PPP2R5E: variants seen among roughly 807,000 people sequenced by gnomAD.
The protein encoded by PPP2R5E is serine/threonine-protein phosphatase 2A 56 kDa regulatory subunit epsilon isoform.
In PPP2R5E, 4 loss-of-function variants were observed where a neutral mutation model predicts 65.3. The ratio of observed to expected loss-of-function variants is 0.06; its 90% CI spans 0.03 to 0.14. The LOEUF (loss-of-function observed/expected upper bound fraction) is 0.14. Among genes scored for constraint, PPP2R5E ranks in the 10% least tolerant of loss-of-function variants. PPP2R5E has a pLI of 1.00. For missense variants in PPP2R5E, 274 were observed against 556.1 expected, an observed-to-expected ratio of 0.49 and a Z score of 5.10; for synonymous variants, 183 against 187.4, an observed-to-expected ratio of 0.98 and a Z score of 0.19.
intron 1 of PPP2R5E, among the ~76,000 whole-genome samples, chr14:63,541,450 G>A (rs1040856788): frequency 1.3e-5 from 2 of 152,106 alleles, no homozygotes; most frequent in Non-Finnish European, 2.9e-5. Flanking sequence ...TAACCCTCTC[G>A]AGTTATTAAA....
chr14:63,474,751 GA>G (rs1890322159), intron 2 of PPP2R5E, among the ~76,000 whole-genome samples: 1 of 137,574 alleles, frequency 7.3e-6, no homozygotes, highest in African/African-American at 2.7e-5. Flanking sequence ...AAAAAAGGAA[GA>G]AAAGAAATGT....
chr14:63,541,489 C>T (rs558670677), intron 1 of PPP2R5E, among the ~76,000 whole-genome samples: 5 of 152,148 alleles, frequency 3.3e-5, no homozygotes, highest in Non-Finnish European at 7.3e-5. Context: ...AAGTAACAAG[C>T]GTTAAGCTTA....
chr14:63,406,410 CAAAAAAAAA>C (rs569875121), intron 5 of PPP2R5E, among the ~76,000 whole-genome samples: 4 of 83,316 alleles, frequency 4.8e-5, no homozygotes, highest in African/African-American at 1.6e-4. Context: ...GACTTCATCT[CAAAAAAAAA>C]AAAAAAAGAA....
At chr14:63,536,690 T>C (rs894229005) in intron 2 of PPP2R5E, among the ~76,000 whole-genome samples, 1 of 152,152 alleles carries the variant, frequency 6.6e-6, no homozygotes, top group Non-Finnish European at 1.5e-5. Context: ...TATTCAGCCT[T>C]AAAAAAGAAT....
At chr14:63,472,576 T>C (rs1443221767) in intron 2 of PPP2R5E, among the ~76,000 whole-genome samples, 1 of 152,202 alleles carries the variant, frequency 6.6e-6, no homozygotes, top group African/African-American at 2.4e-5. Context: ...CAGCACAGCC[T>C]AAGGTCAATT....
At chr14:63,535,653 TGTATAATTATC>T (rs1486859474) in intron 2 of PPP2R5E, among the ~76,000 whole-genome samples, 1 of 152,196 alleles carries the variant, frequency 6.6e-6, no homozygotes, top group Non-Finnish European at 1.5e-5. Flanking sequence ...AATCACTGTT[TGTATAATTATC>T]GTATTCAAAC....
chr14:63,533,485 C>T lies in PPP2R5E; in HGVS notation c.157+6044G>A, dbSNP rs191720479. Among the ~76,000 whole-genome samples the T allele has an allele frequency of 7.9e-4, 120 of 152,214 alleles. 2 individuals carry two copies. In the East Asian group the frequency reaches 0.012, roughly 15 times the overall value. On this transcript the variant is annotated intron_variant, in intron 2 of 13. Coordinates refer to ENST00000337537, the MANE Select transcript of PPP2R5E (RefSeq NM_006246.5). Reference sequence around the variant, plus strand: ...CTGAGGCAGGAAAATGGCTTGAACCCGGAAGGCAGAGGCTGTGGTGAGCCG... The same window carrying T: ...CTGAGGCAGGAAAATGGCTTGAACCTGGAAGGCAGAGGCTGTGGTGAGCCG...
At chr14:63,412,153 A>C (rs1466741353) in intron 5 of PPP2R5E, among the ~76,000 whole-genome samples, 3 of 152,216 alleles carry the variant, frequency 2.0e-5, no homozygotes, top group Admixed American at 6.5e-5. Context: ...TAAAAAAGCC[A>C]ACTGTGTAAC....
At chr14:63,379,826 C>CTCTCTCTTTTTTTTTTTTTTTT (rs528081976) in intron 13 of PPP2R5E, among the ~76,000 whole-genome samples, 1 of 100,280 alleles carries the variant, frequency 1.0e-5, no homozygotes, top group Admixed American at 1.0e-4. Flanking sequence ...TATTCTCTCT[C>CTCTCTCTTTTTTTTTTTTTTTT]TTTTTTTTTT....
chr14:63,472,631 G>C (rs72714269), intron 2 of PPP2R5E, among the ~76,000 whole-genome samples: 3,152 of 152,352 alleles, frequency 0.021, 38 homozygotes, highest in Non-Finnish European at 0.033. Flanking sequence ...TGATGGGACA[G>C]AAAGGAAGCA....
chr14:63,376,208 G>T (rs1883974066), intron 13 of PPP2R5E, 100 bp from the exon 14 acceptor site: 3 of 747,308 alleles, frequency 4.0e-6, no homozygotes, highest in African/African-American at 3.6e-5. Context: ...TTTATACTTA[G>T]CTTAATTGAG....
At chr14:63,517,596 T>C (rs1434543032) in intron 2 of PPP2R5E, among the ~76,000 whole-genome samples, 2 of 152,200 alleles carry the variant, frequency 1.3e-5, no homozygotes, top group Non-Finnish European at 2.9e-5. Flanking sequence ...CAAGCACTGG[T>C]ACTGAAAAGC....
intron 2 of PPP2R5E, among the ~76,000 whole-genome samples, chr14:63,496,874 T>C (rs1260006580): frequency 6.7e-6 from 1 of 149,736 alleles, no homozygotes; most frequent in Non-Finnish European, 1.5e-5. Context: ...CTATTTTATC[T>C]GGGTACACAG....
At chr14:63,447,919 T>C (rs1437937735) in intron 3 of PPP2R5E, among the ~76,000 whole-genome samples, 3 of 152,192 alleles carry the variant, frequency 2.0e-5, no homozygotes, top group African/African-American at 7.2e-5. Context: ...GAACAACCGC[T>C]CAGCAGAGCA....
At chr14:63,465,188 G>C (rs182458113) in intron 2 of PPP2R5E, among the ~76,000 whole-genome samples, 24 of 152,084 alleles carry the variant, frequency 1.6e-4, no homozygotes, top group Non-Finnish European at 3.1e-4. Flanking sequence ...ATACTGTATG[G>C]AATCAATTTC....
chr14:63,399,855 C>A (rs1361413433), intron 5 of PPP2R5E, among the ~76,000 whole-genome samples: 1 of 152,104 alleles, frequency 6.6e-6, no homozygotes, highest in Non-Finnish European at 1.5e-5. Flanking sequence ...ATCAAAAAGG[C>A]TATCCAGATA....
chr14:63,475,753 T>C (rs1410850121), intron 2 of PPP2R5E, among the ~76,000 whole-genome samples: 2 of 146,820 alleles, frequency 1.4e-5, no homozygotes, highest in African/African-American at 5.4e-5. Flanking sequence ...TTTTAAAACT[T>C]TTATGATAAA....
intron 2 of PPP2R5E, among the ~76,000 whole-genome samples, chr14:63,458,224 T>C (rs1889244027): frequency 6.6e-6 from 1 of 152,248 alleles, no homozygotes; most frequent in Non-Finnish European, 1.5e-5. Context: ...AGTTTAGCTC[T>C]TGCTGGGGGG....
intron 11 of PPP2R5E, among the ~76,000 whole-genome samples, chr14:63,388,347 G>A (rs8020616): frequency 0.15 from 23,019 of 152,022 alleles, 2,436 homozygotes; most frequent in East Asian, 0.48. Context: ...CACCATGGTG[G>A]CCAGGCTGGT....
Sources: allele counts gnomAD v4.1 joint callset (sites outside exome capture counted in the v4.1 genomes callset), GRCh38; gene constraint gnomAD v4.1.1; transcripts MANE v1.5; gene names NCBI Gene and HGNC (gene_info 2026-07-23, HGNC 2026-07-21).